Variants in HDAC4 observed in about 807,000 individuals in gnomAD.
HDAC4 encodes the protein histone deacetylase 4.
In HDAC4, 16 loss-of-function variants were observed where a neutral mutation model predicts 135.1. The observed-to-expected ratio is 0.12, with a 90% CI of 0.08 to 0.18. The LOEUF (loss-of-function observed/expected upper bound fraction) is 0.18, where lower values mean the gene tolerates loss of function less well. Ranked by LOEUF, HDAC4 falls within the 10% of genes least tolerant of loss-of-function variation. HDAC4 has a pLI of 1.00. For synonymous variants in HDAC4, 685 were observed against 653.4 expected, an observed-to-expected ratio of 1.05 and a Z score of -0.74; for missense variants, 1,143 against 1,511.8, an observed-to-expected ratio of 0.76 and a Z score of 4.05.
chr2:239,282,958 C>A (rs913254970), intron 2 of HDAC4, among the ~76,000 whole-genome samples: 1 of 151,914 alleles, frequency 6.6e-6, no homozygotes, highest in Non-Finnish European at 1.5e-5. Flanking sequence ...CACCACTCTA[C>A]AATGTACACA....
At position 239,185,394 on chromosome 2, in the gene HDAC4, G is replaced by A. The variant is rs761140289; in HGVS notation, c.339+4439C>T. On this transcript the variant is annotated intron_variant, in intron 4 of 26. Coordinates refer to ENST00000543185, the MANE Select transcript of HDAC4 (RefSeq NM_001378414.1). ...ATGTGCCCTGCAGGGGGTGCCCCAC[G>A]CCTCCTGGGGAGAGGTGTACCCTAA... Among the ~76,000 whole-genome samples the A allele has an allele frequency of 6.6e-5, 10 of 151,572 alleles. No individual in the cohort carries two copies. The East Asian group carries it at 1.4e-3, about 21-fold the overall frequency.
chr2:239,395,576 G>A (rs1301275465), intron 1 of HDAC4, among the ~76,000 whole-genome samples: 1 of 152,134 alleles, frequency 6.6e-6, no homozygotes, highest in African/African-American at 2.4e-5. Context: ...CTTACCAAAA[G>A]AATCTCTACA....
chr2:239,127,901 T>C (rs1264388208), intron 11 of HDAC4, among the ~76,000 whole-genome samples: 4 of 152,078 alleles, frequency 2.6e-5, no homozygotes, highest in African/African-American at 9.7e-5. Context: ...TTTAGTGGAG[T>C]CCAAGCCTCC....
chr2:239,098,291 G>T (rs1575017068), intron 16 of HDAC4, among the ~76,000 whole-genome samples: 1 of 152,256 alleles, frequency 6.6e-6, no homozygotes, highest in East Asian at 1.9e-4. Flanking sequence ...GACAGGGCCT[G>T]AAGCTCTGCA....
chr2:239,364,339 T>A (rs1362112811), intron 1 of HDAC4, among the ~76,000 whole-genome samples: 1 of 152,330 alleles, frequency 6.6e-6, no homozygotes, highest in East Asian at 1.9e-4. Flanking sequence ...CAGAACACCA[T>A]ACAGCAGTAA....
At chr2:239,368,534 G>GC (rs1317700595) in intron 1 of HDAC4, among the ~76,000 whole-genome samples, 2 of 152,120 alleles carry the variant, frequency 1.3e-5, no homozygotes, top group African/African-American at 4.8e-5. Context: ...TGTCCCAGCC[G>GC]CCCACCCACT....
chr2:239,201,634 G>A (rs2045761820), intron 3 of HDAC4, among the ~76,000 whole-genome samples: 2 of 152,132 alleles, frequency 1.3e-5, no homozygotes, highest in Non-Finnish European at 2.9e-5. Flanking sequence ...CGAGACAACA[G>A]CCCCAGAGGC....
At chr2:239,119,218 A>T (rs926885715) in intron 12 of HDAC4, among the ~76,000 whole-genome samples, 1 of 152,194 alleles carries the variant, frequency 6.6e-6, no homozygotes, top group African/African-American at 2.4e-5. Flanking sequence ...CACTCGGTGC[A>T]CCGGAGGGAG....
intron 2 of HDAC4, among the ~76,000 whole-genome samples, chr2:239,286,660 C>T (rs1181391223): frequency 6.6e-6 from 1 of 152,130 alleles, no homozygotes; most frequent in African/African-American, 2.4e-5. Flanking sequence ...CAGGGTGCTC[C>T]ACACCCAAAC....
intron 26 of HDAC4, 60 bp from the exon 27 acceptor site, chr2:239,053,196 A>G: frequency 6.2e-7 from 1 of 1,601,548 alleles, no homozygotes; most frequent in Non-Finnish European, 8.5e-7. Flanking sequence ...CAGAGAGGAG[A>G]GAACAGAACG....
rs1388005060 is a variant in HDAC4, at chr2:239,309,749, T to A, written c.22+42929A>T. On this transcript the variant is annotated intron_variant, in intron 2 of 26. Coordinates refer to ENST00000543185, the MANE Select transcript of HDAC4 (RefSeq NM_001378414.1). This position sits in a 1 kb window ranked among gnomAD's most constrained non-coding sequence, Gnocchi z 4.2. ...AGGGAGGCAATCCCCCCACACACCA[T>A]CCCCTTCCCCTTCGCTCATCTGGGG... 1.3e-5 allele frequency among the ~76,000 whole-genome samples: 2 copies of A among 152,180 alleles called. No individual in the cohort carries two copies. Among genetic ancestry groups the A allele is most frequent in the Admixed American group, 6.5e-5 (1 of 15,288 alleles).
chr2:239,176,552 C>G lies in HDAC4; in HGVS notation c.351G>C (p.Glu117Asp). Residue 117 changes from glutamate (E) to aspartate (D), a missense_variant, in exon 5 of 27, where the codon GAG (glutamate) becomes GAC (aspartate). Transcript: ENST00000543185. ...CCTGCTGGTGCTTCATGGCCAGCAT[C>G]TCCTGTTGTTGCTGCAAGTGGAAGG... ...QLHEHIKQQQ[E>D]MLAMKHQQEL... The G allele has an allele frequency of 6.2e-7, 1 of 1,613,160 alleles. No individual in the cohort carries two copies. Among genetic ancestry groups the G allele is most frequent in the South Asian group, 1.1e-5 (1 of 91,076 alleles).
chr2:239,151,510 C>T (rs1432914450), intron 7 of HDAC4, among the ~76,000 whole-genome samples: 2 of 152,178 alleles, frequency 1.3e-5, no homozygotes, highest in South Asian at 2.1e-4. Context: ...TTCAGAAGGC[C>T]CCAGGTGAGG....
At chr2:239,235,660 G>A (rs1345066564) in intron 3 of HDAC4, among the ~76,000 whole-genome samples, 2 of 152,252 alleles carry the variant, frequency 1.3e-5, no homozygotes, top group Non-Finnish European at 1.5e-5. Context: ...AACCCTGGAG[G>A]ATTCTATGTG....
chr2:239,081,940 C>T (rs921872560), intron 21 of HDAC4, among the ~76,000 whole-genome samples, 162 bp downstream of exon 21: 4 of 152,240 alleles, frequency 2.6e-5, no homozygotes, highest in Non-Finnish European at 5.9e-5. Flanking sequence ...ACACGCGATA[C>T]GATGCAGGCT....
chr2:239,110,022 C>T (rs1018630588), intron 14 of HDAC4, among the ~76,000 whole-genome samples: 1 of 152,240 alleles, frequency 6.6e-6, no homozygotes, highest in Non-Finnish European at 1.5e-5. Flanking sequence ...AAGGAACGCA[C>T]TGCGTCGCTG....
chr2:239,266,059 C>A (rs934499899), intron 2 of HDAC4, among the ~76,000 whole-genome samples: 1 of 152,210 alleles, frequency 6.6e-6, no homozygotes, highest in Non-Finnish European at 1.5e-5. Flanking sequence ...CCTAAGCCTG[C>A]GCAGAGGCTG....
chr2:239,305,818 C>T (rs1046019263), intron 2 of HDAC4, among the ~76,000 whole-genome samples: 5 of 152,200 alleles, frequency 3.3e-5, no homozygotes, highest in African/African-American at 7.2e-5. Context: ...CACGTGCACA[C>T]AGGAAGCTTT....
At position 239,087,545 on chromosome 2, in the gene HDAC4, C is replaced by T. The variant is rs780024561; in HGVS notation, c.2444+14G>A. On this transcript the variant is annotated intron_variant, in intron 19 of 26. Coordinates refer to ENST00000543185, the MANE Select transcript of HDAC4 (RefSeq NM_001378414.1). ...TGGGTTCCCCTGCTGTGCGGGGCTG[C>T]GGCGTGTACTCACATGGGCGTGCTC... 46 of 1,611,930 alleles carry T rather than the reference C, an allele frequency of 2.9e-5. No individual in the cohort carries two copies. Among genetic ancestry groups the T allele is most frequent in the Middle Eastern group, 3.3e-4 (2 of 6,056 alleles).
Sources: allele counts gnomAD v4.1 joint callset (sites outside exome capture counted in the v4.1 genomes callset), GRCh38; gene constraint gnomAD v4.1.1; non-coding constraint Gnocchi (gnomAD v3.1); transcripts MANE v1.5; gene names NCBI Gene and HGNC (gene_info 2026-07-23, HGNC 2026-07-21).